The following RBFOX1 variants were observed in gnomAD, a reference collection of about 807,000 sequenced individuals.
RBFOX1 encodes the protein RNA binding protein fox-1 homolog 1.
A neutral mutation model predicts 57.7 loss-of-function variants in RBFOX1; 8 were observed. The ratio of observed to expected loss-of-function variants is 0.14; its 90% CI spans 0.08 to 0.25. The LOEUF is 0.25. Among genes scored for constraint, RBFOX1 ranks in the 10% least tolerant of loss-of-function variants. RBFOX1 has a pLI of 1.00. For synonymous variants in RBFOX1, 326 were observed against 222.4 expected, an observed-to-expected ratio of 1.47 and a Z score of -4.15; for missense variants, 611 against 548.5, an observed-to-expected ratio of 1.11 and a Z score of -1.14.
intron 4 of RBFOX1, among the ~76,000 whole-genome samples, chr16:7,494,028 T>C (rs1024106113): frequency 1.2e-4 from 18 of 152,200 alleles, no homozygotes; most frequent in Non-Finnish European, 2.4e-4. Flanking sequence ...GATTTTCTTA[T>C]TGGCTTGTGA....
At chr16:5,656,836 A>G (rs1185039224) in intron 3 of RBFOX1, among the ~76,000 whole-genome samples, 1 of 152,212 alleles carries the variant, frequency 6.6e-6, no homozygotes. Context: ...ACAGGAACAG[A>G]AAACCAAATA....
chr16:5,558,365 G>A lies in RBFOX1; in HGVS notation c.259-40537G>A, dbSNP rs181681753. ...AGCTGTGGAGGCAGAGCCCAAAAGCGGTCCTCATGTCCTCACCACCTACCC... is the reference window on the plus strand; with the variant it reads ...AGCTGTGGAGGCAGAGCCCAAAAGCAGTCCTCATGTCCTCACCACCTACCC... On this transcript the variant is annotated intron_variant, in intron 2 of 2. Transcript: ENST00000585867. Among the ~76,000 whole-genome samples the A allele has an allele frequency of 4.7e-3, 713 of 152,210 alleles. 2 individuals are homozygous for A. The highest frequency in any genetic ancestry group is 8.1e-3 in the Non-Finnish European group (553 of 68,022).
chr16:7,223,896 C>A (rs1177886215), intron 4 of RBFOX1, among the ~76,000 whole-genome samples: 4 of 151,574 alleles, frequency 2.6e-5, no homozygotes, highest in Non-Finnish European at 1.5e-5. Context: ...GTGAGCATAC[C>A]TTACAGTTTA....
At chr16:6,984,344 A>G (rs1051961436) in intron 3 of RBFOX1, among the ~76,000 whole-genome samples, 6 of 152,308 alleles carry the variant, frequency 3.9e-5, no homozygotes, top group East Asian at 1.9e-4. Context: ...GATGGTATCA[A>G]TGTCACCTGG....
At chr16:6,313,518 C>T (rs1039210774) in intron 1 of RBFOX1, among the ~76,000 whole-genome samples, 7 of 152,168 alleles carry the variant, frequency 4.6e-5, no homozygotes, top group African/African-American at 1.7e-4. Flanking sequence ...AAAAAAACTA[C>T]ATTCTGGCTG....
intron 4 of RBFOX1, among the ~76,000 whole-genome samples, chr16:7,315,840 G>A (rs1392201818): frequency 6.6e-6 from 1 of 152,008 alleles, no homozygotes; most frequent in Admixed American, 6.6e-5. Flanking sequence ...ATGTCTACAT[G>A]GCACAAGACA....
intron 2 of RBFOX1, among the ~76,000 whole-genome samples, chr16:6,363,329 G>A (rs762887123): frequency 1.3e-5 from 2 of 152,120 alleles, no homozygotes; most frequent in Admixed American, 6.6e-5. Context: ...ACGAAGGGCC[G>A]AGGGAAAAAT....
intron 4 of RBFOX1, among the ~76,000 whole-genome samples, chr16:7,432,046 A>G (rs577848206): frequency 6.6e-6 from 1 of 152,294 alleles, no homozygotes; most frequent in African/African-American, 2.4e-5. Context: ...CACCCAGCCC[A>G]GTGGGAAGGA....
intron 4 of RBFOX1, among the ~76,000 whole-genome samples, chr16:7,431,571 A>T (rs2098680557): frequency 6.6e-6 from 1 of 152,192 alleles, no homozygotes; most frequent in South Asian, 2.1e-4. Context: ...ATTTTTAAAA[A>T]ATGCTGGTAA....
At chr16:5,653,039 G>A (rs1596598451) in intron 3 of RBFOX1, among the ~76,000 whole-genome samples, 1 of 149,844 alleles carries the variant, frequency 6.7e-6, no homozygotes, top group East Asian at 2.0e-4. Flanking sequence ...TGTGCGGAAA[G>A]TGGGGTGCTG....
chr16:5,295,915 T>C (rs2063655946), intron 1 of RBFOX1, among the ~76,000 whole-genome samples: 1 of 152,236 alleles, frequency 6.6e-6, no homozygotes, highest in Admixed American at 6.5e-5. Flanking sequence ...CTGTAGTGCA[T>C]ATTAAATGAG....
At chr16:6,430,852 C>A (rs763800066) in intron 2 of RBFOX1, among the ~76,000 whole-genome samples, 2 of 151,038 alleles carry the variant, frequency 1.3e-5, no homozygotes, top group Non-Finnish European at 2.9e-5. Flanking sequence ...TTACTGTGGT[C>A]AGGAACAGTA....
At chr16:7,261,062 C>A (rs1024560464) in intron 4 of RBFOX1, among the ~76,000 whole-genome samples, 3 of 152,132 alleles carry the variant, frequency 2.0e-5, no homozygotes, top group African/African-American at 7.2e-5. Context: ...TGAAAAATGG[C>A]CCAAAATGGA....
intron 3 of RBFOX1, among the ~76,000 whole-genome samples, chr16:6,778,476 A>G (rs2079767617): frequency 6.6e-6 from 1 of 152,138 alleles, no homozygotes; most frequent in African/African-American, 2.4e-5. Context: ...ATCTCTAAAT[A>G]TAATTACACC....
At chr16:7,410,287 C>G (rs571013510) in intron 4 of RBFOX1, among the ~76,000 whole-genome samples, 55 of 152,322 alleles carry the variant, frequency 3.6e-4, no homozygotes, top group Admixed American at 1.6e-3. Context: ...ATTACAGATA[C>G]TGTTATTGCT....
chr16:7,484,359 T>C (rs188326241), intron 4 of RBFOX1, among the ~76,000 whole-genome samples: 62 of 152,316 alleles, frequency 4.1e-4, no homozygotes, highest in Admixed American at 1.8e-3. Context: ...AAAGTAGAAA[T>C]GCTGGGAGAC....
rs185510630 is a variant in RBFOX1, at chr16:7,492,624, G to C, written c.28-25523G>C. ...ATGTCAAATTGTAATCCCCAGTGTT[G>C]GACTTAGGGCCTGGTGGGAGGTGAT... On this transcript the variant is annotated intron_variant, in intron 4 of 15. Transcript: ENST00000550418. 8.5e-5 allele frequency among the ~76,000 whole-genome samples: 13 copies of C among 152,222 alleles called. No homozygotes were observed. The East Asian group carries it at 1.5e-3, about 18-fold the overall frequency.
intron 3 of RBFOX1, among the ~76,000 whole-genome samples, chr16:6,780,302 CAT>C (rs374333646): frequency 0.54 from 42,793 of 78,624 alleles, 12,871 homozygotes; most frequent in East Asian, 0.76. Flanking sequence ...TATATTTATA[CAT>C]ATATATATTT....
intron 4 of RBFOX1, among the ~76,000 whole-genome samples, chr16:7,417,801 G>T (rs2098498863): frequency 6.6e-6 from 1 of 152,180 alleles, no homozygotes; most frequent in Non-Finnish European, 1.5e-5. Context: ...CTGTGCATGT[G>T]TGTGGTTGCA....
Sources: allele counts gnomAD v4.1 joint callset (sites outside exome capture counted in the v4.1 genomes callset), GRCh38; gene constraint gnomAD v4.1.1; transcripts MANE v1.5; gene names NCBI Gene and HGNC (gene_info 2026-07-23, HGNC 2026-07-21).